The following BRCA2 variants were observed in gnomAD, a reference collection of about 807,000 sequenced individuals.
BRCA2 encodes the protein BRCA2 DNA repair associated.
In BRCA2, 203 loss-of-function variants were observed where a neutral mutation model predicts 276.7. That is an observed-to-expected ratio of 0.73 (90% CI 0.65 to 0.82). The LOEUF (loss-of-function observed/expected upper bound fraction) is 0.82. Among genes scored for constraint, BRCA2 ranks in the 40% least tolerant of loss-of-function variants. The probability of loss-of-function intolerance (pLI) is 0.00; values close to 1 mark genes in which losing one functional copy is unlikely to be tolerated. For synonymous variants in BRCA2, 1,289 were observed against 1,338.4 expected (o/e 0.96, Z 0.81); for missense variants, 3,920 against 3,915.0 (o/e 1.00, Z -0.03).
intron 15 of BRCA2, among the ~76,000 whole-genome samples, 161 bp from the exon 16 acceptor site, chr13:32,357,581 T>C (rs1211685395): frequency 6.6e-6 from 1 of 152,232 alleles, no homozygotes; most frequent in Non-Finnish European, 1.5e-5. Flanking sequence ...TTAAAATTTT[T>C]AGTTTCTAGT....
intron 11 of BRCA2, 105 bp downstream of exon 11, chr13:32,341,301 T>G (rs1359444360): frequency 6.5e-7 from 1 of 1,537,030 alleles, no homozygotes; most frequent in Non-Finnish European, 9.0e-7. Flanking sequence ...ACTATGTCTT[T>G]TCAGCCATTT....
At chr13:32,324,924 G>C in intron 3 of BRCA2, 152 bp from the exon 4 acceptor site, 1 of 612,714 alleles carries the variant, frequency 1.6e-6, no homozygotes, top group South Asian at 1.8e-5. Flanking sequence ...TTTTTGGGGG[G>C]TAATCAGCAA....
intron 13 of BRCA2, among the ~76,000 whole-genome samples, chr13:32,349,466 G>T (rs979015984): frequency 1.3e-4 from 20 of 152,196 alleles, no homozygotes; most frequent in African/African-American, 4.6e-4. Flanking sequence ...GGAATTGGTG[G>T]CTTCATTTCT....
At chr13:32,359,702 C>A (rs988009497) in intron 16 of BRCA2, among the ~76,000 whole-genome samples, 1 of 152,138 alleles carries the variant, frequency 6.6e-6, no homozygotes, top group Non-Finnish European at 1.5e-5. Context: ...CTTATAGATT[C>A]CAGTAAGAAA....
intron 24 of BRCA2, among the ~76,000 whole-genome samples, chr13:32,387,093 G>T (rs1374430261): frequency 6.6e-6 from 1 of 152,088 alleles, no homozygotes; most frequent in East Asian, 1.9e-4. Context: ...ACATGTCTGT[G>T]TCTAAATTTC....
intron 24 of BRCA2, 151 bp from the exon 25 acceptor site, chr13:32,394,538 A>T (rs189847727): frequency 1.0e-6 from 1 of 975,810 alleles, no homozygotes; most frequent in Non-Finnish European, 1.5e-6. Flanking sequence ...ATTTTGGAAA[A>T]CCTGAGCTTT....
intron 13 of BRCA2, among the ~76,000 whole-genome samples, chr13:32,351,174 T>C (rs1369901938): frequency 3.9e-5 from 6 of 152,228 alleles, no homozygotes; most frequent in African/African-American, 1.2e-4. Context: ...GCAATGAATC[T>C]TGCTGCTGCT....
At position 32,398,213 on chromosome 13, in the gene BRCA2, A is replaced by G. The variant is rs730881574; in HGVS notation, c.9700A>G (p.Met3234Val). 1 of 1,612,768 alleles carries G rather than the reference A, an allele frequency of 6.2e-7. No homozygotes were observed. The highest frequency in any genetic ancestry group is 1.1e-5 in the South Asian group (1 of 90,802). ...TTATCAAAGTCCTTTATCACTTTGT[A>G]TGGCCAAAAGGAAGTCTGTTTCCAC... ...IYYQSPLSLC[M>V]AKRKSVSTPV... Residue 3234 changes from methionine (M) to valine (V), a missense_variant, in exon 27 of 27, where the codon ATG becomes GTG. Around this residue, in one of 2 missense-constraint regions of BRCA2, gnomAD observed 657 missense variants for 758.2 expected, o/e 0.87. Transcript: ENST00000380152.
chr13:32,371,211 A>G, intron 20 of BRCA2, 111 bp downstream of exon 20: 2 of 1,190,140 alleles, frequency 1.7e-6, no homozygotes, highest in Non-Finnish European at 1.2e-6. Context: ...TGAGTAGTAA[A>G]TTGACTTTAT....
intron 12 of BRCA2, among the ~76,000 whole-genome samples, 186 bp from the exon 13 acceptor site, chr13:32,346,641 T>G (rs1049758447): frequency 1.3e-5 from 2 of 152,126 alleles, no homozygotes; most frequent in African/African-American, 4.8e-5. Context: ...CTGTGAGTTA[T>G]TTGGTGCATA....
chr13:32,379,671 G>C (rs2137621361), intron 22 of BRCA2, 79 bp from the exon 23 acceptor site: 1 of 1,541,756 alleles, frequency 6.5e-7, no homozygotes, highest in South Asian at 1.1e-5. Flanking sequence ...TATAAAAGAG[G>C]ATCTGTATTT....
chr13:32,341,725 G>A (rs1388908994), intron 11 of BRCA2, among the ~76,000 whole-genome samples: 1 of 151,760 alleles, frequency 6.6e-6, no homozygotes, highest in African/African-American at 2.4e-5. Flanking sequence ...AAAATTAGCC[G>A]GGCGTAGTGG....
At chr13:32,363,079 A>G in intron 17 of BRCA2, 100 bp from the exon 18 acceptor site, 2 of 997,806 alleles carry the variant, frequency 2.0e-6, no homozygotes, top group Non-Finnish European at 3.0e-6. Context: ...TATTTCTTAG[A>G]TAAATTCAGT....
At position 32,337,954 on chromosome 13, in the gene BRCA2, G is replaced by C. The variant is rs1555283305; in HGVS notation, c.3599G>C (p.Cys1200Ser). The C allele has an allele frequency of 6.2e-7, 1 of 1,613,950 alleles. No individual in the cohort carries two copies. The highest frequency in any genetic ancestry group is 8.5e-7 in the Non-Finnish European group (1 of 1,179,886). The change falls in exon 11 of 27, where the codon TGT becomes TCT. Residue 1200 changes from cysteine to serine, a missense_variant. Physicochemically the swap from Cys to Ser is moderately radical, Grantham distance 112 (BLOSUM62 -1). Around this residue, in one of 2 missense-constraint regions of BRCA2, gnomAD observed 3,263 missense variants for 3,156.9 expected, o/e 1.03. Transcript: ENST00000380152. ...TTTGCTGGCCTGTTGAAAAATGACT[G>C]TAACAAAAGTGCTTCTGGTTATTTA... is the stretch of plus-strand genomic sequence containing the variant. ...RKFAGLLKND[C>S]NKSASGYLTD...
intron 24 of BRCA2, among the ~76,000 whole-genome samples, chr13:32,389,216 C>T (rs1209709836): frequency 6.6e-6 from 1 of 152,126 alleles, no homozygotes; most frequent in Non-Finnish European, 1.5e-5. Context: ...GGATAGTGAC[C>T]ATATACAGAC....
chr13:32,326,201 A>T, intron 5 of BRCA2, 41 bp from the exon 6 acceptor site: 4 of 1,610,302 alleles, frequency 2.5e-6, no homozygotes, highest in Middle Eastern at 1.7e-4. Context: ...AAATGTTAAT[A>T]AAAATAAAAC....
At chr13:32,326,007 T>A in intron 4 of BRCA2, 94 bp from the exon 5 acceptor site, 2 of 1,124,534 alleles carry the variant, frequency 1.8e-6, no homozygotes, top group South Asian at 2.8e-5. Flanking sequence ...TTCCAACAAT[T>A]TATATGAATG....
At chr13:32,351,228 A>G (rs1335933118) in intron 13 of BRCA2, among the ~76,000 whole-genome samples, 3 of 152,090 alleles carry the variant, frequency 2.0e-5, no homozygotes, top group African/African-American at 7.2e-5. Context: ...AACACTCACC[A>G]CGAAGGTCTG....
In BRCA2 at chr13:32,338,068, T is replaced by G. The variant is rs1566229025; in HGVS notation, c.3713T>G (p.Val1238Gly). 6.2e-7 allele frequency: 1 copy of G among 1,611,664 alleles called. No homozygotes were observed. The highest frequency in any genetic ancestry group is 1.1e-5 in the South Asian group (1 of 90,482). ...TCTACTGAAGCTCTGCAAAAAGCTG[T>G]GAAACTGTTTAGTGATATTGAGAAT... Reference protein sequence around the residue: ...NVSTEALQKAVKLFSDIENIS... With the variant: ...NVSTEALQKAGKLFSDIENIS... The change falls in exon 11 of 27, where the codon GTG (valine) becomes GGG (glycine). Residue 1238 changes from valine to glycine, a missense_variant. This residue lies in a region of BRCA2 where 3,263 missense variants were observed against 3,156.9 expected (regional missense o/e 1.03). Transcript: ENST00000380152.
Sources: allele counts gnomAD v4.1 joint callset (sites outside exome capture counted in the v4.1 genomes callset), GRCh38; gene constraint gnomAD v4.1.1; regional missense constraint gnomAD v4.1.1; transcripts MANE v1.5; gene names NCBI Gene and HGNC (gene_info 2026-07-23, HGNC 2026-07-21).